EIF2AK1: variants seen among roughly 807,000 people sequenced by gnomAD.
EIF2AK1 encodes eukaryotic translation initiation factor 2 alpha kinase 1.
In EIF2AK1, 54 loss-of-function variants were observed where a neutral mutation model predicts 77.9. The observed-to-expected ratio is 0.69, with a 90% CI of 0.56 to 0.87. EIF2AK1 has a LOEUF of 0.87. EIF2AK1 is among the 40% of genes least tolerant of loss of function. The pLI is 0.00. For missense variants in EIF2AK1, 810 were observed against 768.6 expected (o/e 1.05, Z -0.64); for synonymous variants, 314 against 290.5 (o/e 1.08, Z -0.82).
rs1424428470 is a variant in EIF2AK1, at chr7:6,036,245, A to G, written c.1332+1179T>C. The G allele has an allele frequency of 3.2e-6, 5 of 1,550,108 alleles. No individual in the cohort carries two copies. Among genetic ancestry groups the G allele is most frequent in the Middle Eastern group, 1.7e-4 (1 of 5,992 alleles). The stretch of plus-strand genomic sequence containing the variant: ...ACACCCTAATAAAGCAATCGCAAAA[A>G]CCTTTATCCCTACAGGGTATCTGCA... On this transcript the variant is annotated intron_variant, in intron 11 of 14. Coordinates refer to ENST00000199389, the MANE Select transcript of EIF2AK1 (RefSeq NM_014413.4). The surrounding 1 kb of genome is among the most constrained non-coding windows in gnomAD (Gnocchi z 4.6).
rs1788057948 is a variant in EIF2AK1 at position 6,035,695 on chromosome 7, A to T, written c.1332+1729T>A. The T allele has an allele frequency of 6.4e-7, 1 of 1,550,628 alleles. No individual in the cohort carries two copies. Among genetic ancestry groups the T allele is most frequent in the South Asian group, 1.2e-5 (1 of 84,058 alleles). Reference sequence around the variant, plus strand: ...TATCCAGTTCTCTCCATTTTGACCCAAAATGGTGCCGATGTCAATGCTATT... The same window carrying T: ...TATCCAGTTCTCTCCATTTTGACCCTAAATGGTGCCGATGTCAATGCTATT... On this transcript the variant is annotated intron_variant, in intron 11 of 14. Coordinates refer to ENST00000199389, the MANE Select transcript of EIF2AK1 (RefSeq NM_014413.4). This position sits in a 1 kb window ranked among gnomAD's most constrained non-coding sequence, Gnocchi z 5.5.
chr7:6,051,962 C>A (rs111636574), intron 2 of EIF2AK1, among the ~76,000 whole-genome samples: 1 of 151,814 alleles, frequency 6.6e-6, no homozygotes, highest in Admixed American at 6.6e-5. Flanking sequence ...CATGAGGTCA[C>A]GAGATCGAGA....
At position 6,059,062 on chromosome 7, in the gene EIF2AK1, C is replaced by T; in HGVS notation, c.22G>A (p.Val8Ile). 6.8e-7 allele frequency: 1 copy of T among 1,475,048 alleles called. No homozygotes were observed. The highest frequency in any genetic ancestry group is 8.9e-7 in the Non-Finnish European group (1 of 1,119,068). The allele number at this position is 1,475,048 out of a possible 1,614,324, so 91.4% of individuals were successfully genotyped here. Residue 8 changes from valine (V) to isoleucine (I), a missense_variant, in exon 1 of 15, where the codon GTC becomes ATC. Around this residue, in one of 3 missense-constraint regions of EIF2AK1, gnomAD observed 246 missense variants for 199.0 expected, o/e 1.24. Coordinates refer to ENST00000199389, the MANE Select transcript of EIF2AK1 (RefSeq NM_014413.4). MQGGNSG[V>I]RKREEEGDGA... ...TCGCCCTCCTCTTCGCGCTTGCGGA[C>T]CCCGGAGTTGCCCCCCTGCATCGCC... is the stretch of plus-strand genomic sequence containing the variant.
chr7:6,045,994 C>T (rs1788435171), intron 6 of EIF2AK1, 77 bp downstream of exon 6: 3 of 922,570 alleles, frequency 3.3e-6, no homozygotes, highest in Non-Finnish European at 4.7e-6. Context: ...GCCAAATATA[C>T]ACATATACAT....
chr7:6,048,951 T>C (rs878979534), intron 3 of EIF2AK1, 107 bp from the exon 4 acceptor site: 1 of 704,876 alleles, frequency 1.4e-6, no homozygotes, highest in Non-Finnish European at 2.3e-6. Flanking sequence ...ATAAACAATA[T>C]TTTAAAAACC....
At position 6,033,637 on chromosome 7, in the gene EIF2AK1, CTGGAG is replaced by C; in HGVS notation, c.1332+3782_1332+3786del. Among the ~76,000 whole-genome samples the C allele has an allele frequency of 6.6e-6, 1 of 151,646 alleles. No individual in the cohort carries two copies. The highest frequency in any genetic ancestry group is 2.0e-4 in the East Asian group (1 of 5,126). ...ACAGAGTCTCGCTCTGTCGCCCAGG[CTGGAG>C]TGCAGTGGCACCATTCTCCTGGGTT... On this transcript the variant is annotated intron_variant, in intron 11 of 14. Coordinates refer to ENST00000199389, the MANE Select transcript of EIF2AK1 (RefSeq NM_014413.4). This position sits in a 1 kb window ranked among gnomAD's most constrained non-coding sequence, Gnocchi z 4.4.
At chr7:6,030,327 G>T (rs1787870696) in intron 11 of EIF2AK1, among the ~76,000 whole-genome samples, 3 of 152,154 alleles carry the variant, frequency 2.0e-5, no homozygotes. Context: ...AACTGAGGTA[G>T]GGTCTTGCAT....
intron 1 of EIF2AK1, among the ~76,000 whole-genome samples, chr7:6,055,022 C>T (rs1360402155): frequency 6.6e-6 from 1 of 152,028 alleles, no homozygotes; most frequent in Non-Finnish European, 1.5e-5. Context: ...GAGAAGACAG[C>T]CAAGACCCAG....
chr7:6,036,247 C>A lies in EIF2AK1; in HGVS notation c.1332+1177G>T. 1 of 1,550,210 alleles carries A rather than the reference C, an allele frequency of 6.5e-7. No individual in the cohort carries two copies. Among genetic ancestry groups the A allele is most frequent in the Non-Finnish European group, 8.7e-7 (1 of 1,146,908 alleles). On this transcript the variant is annotated intron_variant, in intron 11 of 14. Coordinates refer to ENST00000199389, the MANE Select transcript of EIF2AK1 (RefSeq NM_014413.4). The surrounding 1 kb of genome is among the most constrained non-coding windows in gnomAD (Gnocchi z 4.6). Reference sequence around the variant, plus strand: ...ACCCTAATAAAGCAATCGCAAAAACCTTTATCCCTACAGGGTATCTGCAAA... The same window carrying A: ...ACCCTAATAAAGCAATCGCAAAAACATTTATCCCTACAGGGTATCTGCAAA...
At chr7:6,056,051 G>T (rs1211495814) in intron 1 of EIF2AK1, among the ~76,000 whole-genome samples, 2 of 143,008 alleles carry the variant, frequency 1.4e-5, no homozygotes, top group Non-Finnish European at 3.0e-5. Flanking sequence ...CCAGCACTTA[G>T]AGAGGCCGAG....
In EIF2AK1 at chr7:6,041,224, A is replaced by G; in HGVS notation, c.792-5T>C. 3.8e-6 allele frequency: 2 copies of G among 530,566 alleles called. No individual in the cohort carries two copies. Among genetic ancestry groups the G allele is most frequent in the East Asian group, 1.9e-4 (1 of 5,220 alleles). The allele number at this position is 530,566 out of a possible 1,614,324, so 32.9% of individuals were successfully genotyped here. ...TTTTTAACACCACATTGCTCTCTGAAAAAAAAAAAAATAGTAAACATAAAA... is the reference window on the plus strand; with the variant it reads ...TTTTTAACACCACATTGCTCTCTGAGAAAAAAAAAAATAGTAAACATAAAA... On this transcript the variant is annotated splice_region_variant and splice_polypyrimidine_tract_variant and intron_variant, in intron 8 of 14. Transcript: ENST00000199389.
In EIF2AK1 at chr7:6,033,841, TTACAGG is replaced by T. The variant is rs1787985990; in HGVS notation, c.1332+3577_1332+3582del. Among the ~76,000 whole-genome samples the T allele has an allele frequency of 6.6e-6, 1 of 151,198 alleles. No homozygotes were observed. Reference sequence around the variant, plus strand: ...ACCTCAGCCTCCCAAAGTGCTGGGATTACAGGCGTGAGCCGCCGTGCCTGGCCGACA... The same window carrying T: ...ACCTCAGCCTCCCAAAGTGCTGGGATCGTGAGCCGCCGTGCCTGGCCGACA... On this transcript the variant is annotated intron_variant, in intron 11 of 14. Coordinates refer to ENST00000199389, the MANE Select transcript of EIF2AK1 (RefSeq NM_014413.4). The surrounding 1 kb of genome is among the most constrained non-coding windows in gnomAD (Gnocchi z 4.4).
Position 6,024,070 on chromosome 7 carries a change from G to A in EIF2AK1, c.*603C>T, listed in dbSNP as rs759241074. 7.1e-5 allele frequency: 93 copies of A among 1,304,332 alleles called. No individual in the cohort carries two copies. Among genetic ancestry groups the A allele is most frequent in the Non-Finnish European group, 8.6e-5 (86 of 999,564 alleles). 80.8% of individuals were successfully genotyped at this position (1,304,332 alleles called of 1,614,324 possible). A position where few individuals can be genotyped will look rare whatever the true frequency, so the allele number is the denominator to read the frequency against. ...GCTGCCTGGAGATCATCTGGGGTGC[G>A]GAGTACAAAGCTTTGCAAGGGTGTG... On this transcript the variant is annotated 3_prime_UTR_variant, in exon 15 of 15. Coordinates refer to ENST00000199389, the MANE Select transcript of EIF2AK1 (RefSeq NM_014413.4).
chr7:6,037,803 TTAA>T (rs1788149419), intron 10 of EIF2AK1, among the ~76,000 whole-genome samples: 1 of 151,876 alleles, frequency 6.6e-6, no homozygotes, highest in African/African-American at 2.4e-5. Flanking sequence ...CTCCCCTGTA[TTAA>T]TGACTTTTTA....
chr7:6,028,908 A>G lies in EIF2AK1; in HGVS notation c.1447+10T>C, dbSNP rs919476884. On this transcript the variant is annotated intron_variant, in intron 12 of 14. Transcript: ENST00000199389. ...TATGCAAAGAAAACAAAACAAAACCAAAAACTTACTCTTCCCGTTTCTGTT... is the reference window on the plus strand; with the variant it reads ...TATGCAAAGAAAACAAAACAAAACCGAAAACTTACTCTTCCCGTTTCTGTT... 12 of 1,592,972 alleles carry G rather than the reference A, an allele frequency of 7.5e-6. No individual in the cohort carries two copies. The highest frequency in any genetic ancestry group is 1.0e-5 in the Non-Finnish European group (12 of 1,173,548).
rs756474990 is a variant in EIF2AK1, at chr7:6,023,416, G to A, written c.*1257C>T. The A allele has an allele frequency of 1.4e-5, 22 of 1,614,094 alleles. No individual in the cohort carries two copies. The East Asian group carries it at 2.0e-4, about 15-fold the overall frequency. ...TGGCCAGAAGCATAATGCTGTCAAC[G>A]CAACCCTTATAGATAGCTGGGTAGA... On this transcript the variant is annotated 3_prime_UTR_variant, in exon 15 of 15. Coordinates refer to ENST00000199389, the MANE Select transcript of EIF2AK1 (RefSeq NM_014413.4).
At chr7:6,050,200 T>C (rs10249956) in intron 2 of EIF2AK1, among the ~76,000 whole-genome samples, 155 bp from the exon 3 acceptor site, 17,621 of 151,884 alleles carry the variant, frequency 0.12, 1,209 homozygotes, top group African/African-American at 0.19. Context: ...ACTTGGAGAA[T>C]GTTCTCTAGA....
chr7:6,055,199 G>A (rs1395790675), intron 1 of EIF2AK1, among the ~76,000 whole-genome samples: 4 of 151,648 alleles, frequency 2.6e-5, no homozygotes, highest in South Asian at 2.1e-4. Context: ...AAAATTAGCC[G>A]GGCAGTGGTG....
chr7:6,055,691 A>C (rs984242065), intron 1 of EIF2AK1, among the ~76,000 whole-genome samples: 2 of 151,646 alleles, frequency 1.3e-5, no homozygotes, highest in African/African-American at 2.4e-5. Context: ...AAAAAAAAAA[A>C]AAAACCTAGC....
Sources: allele counts gnomAD v4.1 joint callset (sites outside exome capture counted in the v4.1 genomes callset), GRCh38; gene constraint gnomAD v4.1.1; regional missense constraint gnomAD v4.1.1; non-coding constraint Gnocchi (gnomAD v3.1); transcripts MANE v1.5; gene names NCBI Gene and HGNC (gene_info 2026-07-23, HGNC 2026-07-21).